IQCH: variants seen among roughly 807,000 people sequenced by gnomAD.
IQCH encodes the protein IQ domain-containing protein H.
A neutral mutation model predicts 117.0 loss-of-function variants in IQCH; 98 were observed. That is an observed-to-expected ratio of 0.84 (90% confidence interval 0.71 to 0.99). IQCH has a LOEUF of 0.99. Among genes scored for constraint, IQCH ranks in the 50% least tolerant of loss-of-function variants. The probability of loss-of-function intolerance (pLI) is 0.00; values close to 1 mark genes in which losing one functional copy is unlikely to be tolerated. For missense variants in IQCH, 1,102 were observed against 1,243.8 expected, an observed-to-expected ratio of 0.89 and a Z score of 1.72; for synonymous variants, 412 against 448.2, an observed-to-expected ratio of 0.92 and a Z score of 1.02.
chr15:67,254,897 A>ATGGCACAT lies in IQCH; in HGVS notation c.8_9insTTGGCACA (p.Gln3?), dbSNP rs1965061432. The ATGGCACAT allele has an allele frequency of 6.2e-7, 1 of 1,613,642 alleles. No homozygotes were observed. Reference sequence around the variant, plus strand: ...GAGGTAGCCGTTCCCTGACCTAGCCATGGCACAGAACACTGAAAACCACGA... The same window carrying ATGGCACAT: ...GAGGTAGCCGTTCCCTGACCTAGCCATGGCACATTGGCACAGAACACTGAAAACCACGA... On this transcript the variant is annotated frameshift_variant and start_lost, in exon 1 of 21. Coordinates refer to ENST00000335894, the MANE Select transcript of IQCH (RefSeq NM_001031715.3). LOFTEE classifies it high-confidence loss of function.
Position 67,413,211 on chromosome 15 carries a change from T to C in IQCH, c.2098-3720T>C, listed in dbSNP as rs533208132. On this transcript the variant is annotated intron_variant, in intron 14 of 20. Transcript: ENST00000335894. This position sits in a 1 kb window ranked among gnomAD's most constrained non-coding sequence, Gnocchi z 5.0. ...GCAATTATGTTTGAACTATGCAAAA[T>C]GACAAAAACCAGAGAACAGAAAGCC... Among the ~76,000 whole-genome samples, 1 of 152,188 alleles carries C rather than the reference T, an allele frequency of 6.6e-6. No homozygotes were observed. The highest frequency in any genetic ancestry group is 1.9e-4 in the East Asian group (1 of 5,188).
At chr15:67,423,332 G>GA (rs1286441376) in intron 16 of IQCH, among the ~76,000 whole-genome samples, 1 of 152,046 alleles carries the variant, frequency 6.6e-6, no homozygotes, top group East Asian at 1.9e-4. Flanking sequence ...TTGGGAGGCC[G>GA]AAGCAGGCAG....
intron 4 of IQCH, among the ~76,000 whole-genome samples, chr15:67,280,083 A>C (rs1261877486): frequency 6.6e-6 from 1 of 152,238 alleles, no homozygotes; most frequent in Non-Finnish European, 1.5e-5. Context: ...AACTTTTTAA[A>C]AGAGTAAAGT....
rs866055316 is a variant in IQCH at position 67,381,409 on chromosome 15, G to A, written c.1373-3527G>A. On this transcript the variant is annotated intron_variant, in intron 10 of 20. Transcript: ENST00000335894. The surrounding 1 kb of genome is among the most constrained non-coding windows in gnomAD (Gnocchi z 5.1). ...AATAATATTTCACAACTGCTTATTT[G>A]AGAAAAGACGGAACTCTCTATCAAA... Among the ~76,000 whole-genome samples, 2 of 152,176 alleles carry A rather than the reference G, an allele frequency of 1.3e-5. No individual in the cohort carries two copies. The highest frequency in any genetic ancestry group is 2.9e-5 in the Non-Finnish European group (2 of 68,028).
At chr15:67,293,456 G>T (rs1966820634) in intron 4 of IQCH, among the ~76,000 whole-genome samples, 2 of 152,106 alleles carry the variant, frequency 1.3e-5, no homozygotes, top group South Asian at 4.1e-4. Flanking sequence ...ACATCCTCCT[G>T]TACACTTTAA....
chr15:67,294,014 G>A (rs1966839133), intron 4 of IQCH, among the ~76,000 whole-genome samples: 1 of 152,194 alleles, frequency 6.6e-6, no homozygotes, highest in Non-Finnish European at 1.5e-5. Flanking sequence ...AGATACAGTA[G>A]TGAATGGTAT....
Position 67,359,961 on chromosome 15 carries a change from T to C in IQCH, c.753+76T>C. On this transcript the variant is annotated intron_variant, in intron 8 of 20. Transcript: ENST00000335894. This position sits in a 1 kb window ranked among gnomAD's most constrained non-coding sequence, Gnocchi z 4.5. Reference sequence around the variant, plus strand: ...CCTTCCTTTTGCTGCAGGGCAAGAGTATGGGTGACTGCTTGACAGCTGGAG... The same window carrying C: ...CCTTCCTTTTGCTGCAGGGCAAGAGCATGGGTGACTGCTTGACAGCTGGAG... The C allele has an allele frequency of 2.7e-6, 3 of 1,131,568 alleles. No homozygotes were observed. The highest frequency in any genetic ancestry group is 4.0e-6 in the Non-Finnish European group (3 of 747,568). The allele number at this position is 1,131,568 out of a possible 1,614,324, so 70.1% of individuals were successfully genotyped here. A position where few individuals can be genotyped will look rare whatever the true frequency, so the allele number is the denominator to read the frequency against.
chr15:67,378,682 GT>G (rs1355198341), intron 10 of IQCH, among the ~76,000 whole-genome samples: 4 of 151,876 alleles, frequency 2.6e-5, no homozygotes, highest in Non-Finnish European at 4.4e-5. Context: ...TATCCAATTG[GT>G]CTTGAGCTAT....
chr15:67,289,388 G>A (rs1437355452), intron 4 of IQCH, among the ~76,000 whole-genome samples: 1 of 151,984 alleles, frequency 6.6e-6, no homozygotes, highest in African/African-American at 2.4e-5. Context: ...CAGTGATCAT[G>A]GGCCTAAAGA....
chr15:67,414,937 C>T lies in IQCH; in HGVS notation c.2098-1994C>T, dbSNP rs893991417. 7.2e-5 allele frequency among the ~76,000 whole-genome samples: 11 copies of T among 152,220 alleles called. No individual in the cohort carries two copies. In the East Asian group the frequency reaches 2.1e-3, roughly 29 times the overall value. On this transcript the variant is annotated intron_variant, in intron 14 of 20. Coordinates refer to ENST00000335894, the MANE Select transcript of IQCH (RefSeq NM_001031715.3). ...GAGAGGGCCCAGGCTGTGAGACTTC[C>T]TTTCCTTGCCATTCCATTTTCCAGA...
chr15:67,383,016 T>TA (rs1970988486), intron 10 of IQCH, among the ~76,000 whole-genome samples: 1 of 152,194 alleles, frequency 6.6e-6, no homozygotes, highest in Non-Finnish European at 1.5e-5. Context: ...CTTAAAAAAA[T>TA]ATATTGACTC....
Position 67,474,924 on chromosome 15 carries a change from C to A in IQCH, c.2677-772C>A, listed in dbSNP as rs1042401170. ...CCACGTGGTCTTCCTCTCAAAAACACATTACTACAGTCTAATCAGGAGAAA... is the reference window on the plus strand; with the variant it reads ...CCACGTGGTCTTCCTCTCAAAAACAAATTACTACAGTCTAATCAGGAGAAA... On this transcript the variant is annotated intron_variant, in intron 17 of 20. Coordinates refer to ENST00000335894, the MANE Select transcript of IQCH (RefSeq NM_001031715.3). The surrounding 1 kb of genome is among the most constrained non-coding windows in gnomAD (Gnocchi z 4.1). Among the ~76,000 whole-genome samples, 1 of 152,172 alleles carries A rather than the reference C, an allele frequency of 6.6e-6. No individual in the cohort carries two copies. Among genetic ancestry groups the A allele is most frequent in the African/African-American group, 2.4e-5 (1 of 41,434 alleles).
rs1030210205 is a variant in IQCH, at chr15:67,458,233, T to C, written c.2506-6894T>C. 2.0e-5 allele frequency among the ~76,000 whole-genome samples: 3 copies of C among 152,258 alleles called. No individual in the cohort carries two copies. The highest frequency in any genetic ancestry group is 6.5e-5 in the Admixed American group (1 of 15,286). Reference sequence around the variant, plus strand: ...AATCTTGATTTTACCCTCCAAGGTATTTCTCTGGCATTCTGCCCCAGTGGG... The same window carrying C: ...AATCTTGATTTTACCCTCCAAGGTACTTCTCTGGCATTCTGCCCCAGTGGG... On this transcript the variant is annotated intron_variant, in intron 16 of 20. Coordinates refer to ENST00000335894, the MANE Select transcript of IQCH (RefSeq NM_001031715.3). This position sits in a 1 kb window ranked among gnomAD's most constrained non-coding sequence, Gnocchi z 4.1.
chr15:67,445,507 C>G lies in IQCH; in HGVS notation c.2506-19620C>G, dbSNP rs2082371746. On this transcript the variant is annotated intron_variant, in intron 16 of 20. Coordinates refer to ENST00000335894, the MANE Select transcript of IQCH (RefSeq NM_001031715.3). The surrounding 1 kb of genome is among the most constrained non-coding windows in gnomAD (Gnocchi z 4.3). ...AGGCTGGATTGCAGTGGTGCAATCT[C>G]AGCTCACTGCAACCTCTGCCTCCTG... Among the ~76,000 whole-genome samples the G allele has an allele frequency of 6.6e-6, 1 of 152,130 alleles. No individual in the cohort carries two copies. The highest frequency in any genetic ancestry group is 2.1e-4 in the South Asian group (1 of 4,830).
chr15:67,335,075 A>G (rs2140651746), intron 4 of IQCH, among the ~76,000 whole-genome samples: 1 of 152,270 alleles, frequency 6.6e-6, no homozygotes, highest in Non-Finnish European at 1.5e-5. Context: ...ACACGTGCAC[A>G]CACACACACT....
chr15:67,435,699 C>A (rs2082120744), intron 16 of IQCH, among the ~76,000 whole-genome samples: 1 of 151,856 alleles, frequency 6.6e-6, no homozygotes, highest in Non-Finnish European at 1.5e-5. Flanking sequence ...ATGGTGAAAC[C>A]CCATCTCTAC....
In IQCH at chr15:67,453,522, G is replaced by A. The variant is rs957283665; in HGVS notation, c.2506-11605G>A. On this transcript the variant is annotated intron_variant, in intron 16 of 20. Transcript: ENST00000335894. This position sits in a 1 kb window ranked among gnomAD's most constrained non-coding sequence, Gnocchi z 5.8. ...CACTGTTTGCCTGGGTATCAGCAGC[G>A]GTGGCTGCAGAACAGTGGATTTTGG... Among the ~76,000 whole-genome samples, 8 of 152,284 alleles carry A rather than the reference G, an allele frequency of 5.3e-5. No homozygotes were observed. Among genetic ancestry groups the A allele is most frequent in the South Asian group, 2.1e-4 (1 of 4,818 alleles).
Position 67,463,280 on chromosome 15 carries a change from C to T in IQCH, c.2506-1847C>T, listed in dbSNP as rs2082843532. ...CTTCCTACAGTGAAAATGCATTATGCTAATTACAGCATACTCCAGAAATAC... is the reference window on the plus strand; with the variant it reads ...CTTCCTACAGTGAAAATGCATTATGTTAATTACAGCATACTCCAGAAATAC... On this transcript the variant is annotated intron_variant, in intron 16 of 20. Transcript: ENST00000335894. This position sits in a 1 kb window ranked among gnomAD's most constrained non-coding sequence, Gnocchi z 4.0. 6.6e-6 allele frequency among the ~76,000 whole-genome samples: 1 copy of T among 152,182 alleles called. No individual in the cohort carries two copies. The highest frequency in any genetic ancestry group is 2.4e-5 in the African/African-American group (1 of 41,436).
At chr15:67,280,557 T>G (rs1966311226) in intron 4 of IQCH, among the ~76,000 whole-genome samples, 2 of 152,194 alleles carry the variant, frequency 1.3e-5, no homozygotes, top group Admixed American at 1.3e-4. Flanking sequence ...AGCAAGCTCT[T>G]GTGTGTCTTT....
Sources: gnomAD v4.1 joint callset for allele counts (sites outside exome capture counted in the v4.1 genomes callset) on GRCh38, gnomAD v4.1.1 for gene constraint, Gnocchi (gnomAD v3.1) non-coding constraint, MANE v1.5 for transcripts, NCBI Gene and HGNC (gene_info 2026-07-23, HGNC 2026-07-21) for gene names.